Variants in ADGRL2 observed in about 807,000 individuals in gnomAD.
The protein encoded by ADGRL2 is calcium-independent alpha-latrotoxin receptor 2.
In ADGRL2, 44 loss-of-function variants were observed where a neutral mutation model predicts 157.4. That is an observed-to-expected ratio of 0.28 (90% CI 0.22 to 0.36). ADGRL2 has a LOEUF of 0.36. Ranked by LOEUF, ADGRL2 falls within the 10% of genes least tolerant of loss-of-function variation. The pLI, the probability that ADGRL2 is intolerant of heterozygous loss-of-function variation, is 1.00. For missense variants in ADGRL2, 1,510 were observed against 1,768.9 expected, an observed-to-expected ratio of 0.85 and a Z score of 2.63; for synonymous variants, 585 against 624.7, an observed-to-expected ratio of 0.94 and a Z score of 0.95.
chr1:81,578,119 A>G (rs1174240926), intron 2 of ADGRL2, among the ~76,000 whole-genome samples: 1 of 152,222 alleles, frequency 6.6e-6, no homozygotes, highest in Non-Finnish European at 1.5e-5. Flanking sequence ...TTAGAAAACA[A>G]CAAGTTAGTT....
intron 4 of ADGRL2, among the ~76,000 whole-genome samples, 168 bp downstream of exon 4, chr1:81,937,005 C>T (rs2095320647): frequency 1.3e-5 from 2 of 151,876 alleles, no homozygotes; most frequent in South Asian, 4.1e-4. Flanking sequence ...TGGAAGGAAG[C>T]CATAGTGTGA....
At chr1:81,888,201 G>A (rs190064345) in intron 2 of ADGRL2, among the ~76,000 whole-genome samples, 20 of 152,152 alleles carry the variant, frequency 1.3e-4, no homozygotes, top group Middle Eastern at 6.8e-3. Context: ...AGCTATAAAC[G>A]TAGAAACTCC....
At chr1:81,861,014 C>CTTTT (rs36062412) in intron 2 of ADGRL2, among the ~76,000 whole-genome samples, 3 of 118,476 alleles carry the variant, frequency 2.5e-5, no homozygotes, top group Non-Finnish European at 5.1e-5. Flanking sequence ...ATTTCACTGA[C>CTTTT]TTTTTTTTTT....
intron 1 of ADGRL2, among the ~76,000 whole-genome samples, chr1:81,317,355 T>G (rs2100591956): frequency 6.6e-6 from 1 of 152,286 alleles, no homozygotes; most frequent in Admixed American, 6.5e-5. Context: ...TCACTGCTTT[T>G]CATCCCTCAG....
chr1:81,552,429 G>A (rs1183317617), intron 2 of ADGRL2, among the ~76,000 whole-genome samples: 1 of 152,010 alleles, frequency 6.6e-6, no homozygotes, highest in Non-Finnish European at 1.5e-5. Flanking sequence ...TGGTGGAAAT[G>A]CAGCACTGCT....
chr1:81,979,846 TA>T lies in ADGRL2; in HGVS notation c.3022-21del, dbSNP rs1327063295. 3 of 1,365,902 alleles carry T rather than the reference TA, an allele frequency of 2.2e-6. No homozygotes were observed. The African/African-American group carries it at 4.3e-5, about 20-fold the overall frequency. The allele number at this position is 1,365,902 out of a possible 1,614,324, so 84.6% of individuals were successfully genotyped here. A position where few individuals can be genotyped will look rare whatever the true frequency, so the allele number is the denominator to read the frequency against. ...TTTCAGCTCTTTGTTCATTGTGGTC[TA>T]ATTCTTTATTTGTTACAACAGCTAA... On this transcript the variant is annotated intron_variant, in intron 17 of 23. Transcript: ENST00000686636.
chr1:81,335,848 AC>A (rs1224580532), intron 1 of ADGRL2, among the ~76,000 whole-genome samples: 472 of 149,620 alleles, frequency 3.2e-3, no homozygotes, highest in Non-Finnish European at 4.5e-3. Flanking sequence ...AAAAAAAAAA[AC>A]AAAAAACAAA....
intron 1 of ADGRL2, among the ~76,000 whole-genome samples, chr1:81,327,773 T>C (rs1397585098): frequency 6.6e-6 from 1 of 152,212 alleles, no homozygotes; most frequent in Admixed American, 6.5e-5. Flanking sequence ...TTTGCTCTTG[T>C]ATACAACTTA....
At chr1:81,361,511 C>T (rs760859642) in intron 1 of ADGRL2, among the ~76,000 whole-genome samples, 19 of 151,892 alleles carry the variant, frequency 1.3e-4, no homozygotes, top group Admixed American at 2.0e-4. Context: ...TAAGTAAGTG[C>T]TCCTTAAGGA....
chr1:81,982,212 T>C (rs1661862616), intron 19 of ADGRL2, among the ~76,000 whole-genome samples: 1 of 151,970 alleles, frequency 6.6e-6, no homozygotes, highest in African/African-American at 2.4e-5. Context: ...TAGGTTAAGA[T>C]TTCTTCCTTG....
At chr1:81,875,270 C>T (rs1359647602) in intron 2 of ADGRL2, among the ~76,000 whole-genome samples, 1 of 152,088 alleles carries the variant, frequency 6.6e-6, no homozygotes, top group Non-Finnish European at 1.5e-5. Context: ...ACTGCTGGCC[C>T]ACTTCCCTAA....
At chr1:81,441,782 C>T (rs2077512233) in intron 1 of ADGRL2, among the ~76,000 whole-genome samples, 1 of 152,164 alleles carries the variant, frequency 6.6e-6, no homozygotes, top group South Asian at 2.1e-4. Context: ...TCATGATCCG[C>T]CCGCCTTGGC....
chr1:81,370,432 C>T (rs1240174872), intron 1 of ADGRL2, among the ~76,000 whole-genome samples: 1 of 152,012 alleles, frequency 6.6e-6, no homozygotes, highest in Non-Finnish European at 1.5e-5. Context: ...ATGCTTTTGT[C>T]TGTTTTATCT....
At chr1:81,448,137 CTTTTT>C (rs1168945231) in intron 2 of ADGRL2, among the ~76,000 whole-genome samples, 1 of 83,504 alleles carries the variant, frequency 1.2e-5, no homozygotes, top group African/African-American at 5.1e-5. Context: ...TTCTTTCTTT[CTTTTT>C]TTTTTTTTTT....
chr1:81,463,827 G>A (rs2077993017), intron 2 of ADGRL2, among the ~76,000 whole-genome samples: 1 of 152,150 alleles, frequency 6.6e-6, no homozygotes, highest in South Asian at 2.1e-4. Context: ...AGTGTCCTTG[G>A]TGTCATTGTT....
intron 3 of ADGRL2, among the ~76,000 whole-genome samples, chr1:81,636,262 T>C (rs2082112844): frequency 6.6e-6 from 1 of 152,224 alleles, no homozygotes; most frequent in East Asian, 1.9e-4. Flanking sequence ...TGTATATATA[T>C]GTGCATATTT....
intron 2 of ADGRL2, among the ~76,000 whole-genome samples, chr1:81,511,400 GCACACACACA>G (rs149522214): frequency 4.7e-5 from 6 of 127,236 alleles, no homozygotes; most frequent in African/African-American, 1.2e-4. Flanking sequence ...AAAAAAGCGC[GCACACACACA>G]CACACACACA....
rs2085197676 is a variant in ADGRL2, at chr1:81,745,000, T to G, written c.-142-16811T>G. Among the ~76,000 whole-genome samples, 5 of 152,212 alleles carry G rather than the reference T, an allele frequency of 3.3e-5. No individual in the cohort carries two copies. The South Asian group carries it at 1.0e-3, about 32-fold the overall frequency. On this transcript the variant is annotated intron_variant, in intron 1 of 20. Coordinates refer to the ADGRL2 transcript ENST00000359929. ...TAACAAACCAAAGTACTCCAGTGCC[T>G]CATCATTGAGGACTGAGTTGACAAC...
rs189097410 is a variant in ADGRL2, at chr1:81,869,310, C to T, written c.73+32253C>T. Reference sequence around the variant, plus strand: ...CTGTCGAGAATATAAAAATTTAGACCTATTACCTGATCAAAGTTCTGATTT... The same window carrying T: ...CTGTCGAGAATATAAAAATTTAGACTTATTACCTGATCAAAGTTCTGATTT... On this transcript the variant is annotated intron_variant, in intron 2 of 23. Transcript: ENST00000686636. 3.0e-3 allele frequency among the ~76,000 whole-genome samples: 459 copies of T among 151,848 alleles called. 5 individuals carry two copies. The highest frequency in any genetic ancestry group is 0.028 in the Admixed American group (419 of 15,214).
Sources: gnomAD v4.1 joint callset for allele counts (sites outside exome capture counted in the v4.1 genomes callset) on GRCh38, gnomAD v4.1.1 for gene constraint, MANE v1.5 for transcripts, NCBI Gene and HGNC (gene_info 2026-07-23, HGNC 2026-07-21) for gene names.